The following SGCD variants were observed in gnomAD, a reference collection of about 807,000 sequenced individuals.
The protein encoded by SGCD is delta-sarcoglycan.
SGCD carries 18 observed loss-of-function variants against 36.6 expected under a neutral mutation model. The observed-to-expected ratio is 0.49, with a 90% CI of 0.34 to 0.73. The LOEUF (loss-of-function observed/expected upper bound fraction) is 0.73, where lower values mean the gene tolerates loss of function less well. Ranked by LOEUF, SGCD falls within the 30% of genes least tolerant of loss-of-function variation. SGCD has a pLI of 0.01. For synonymous variants in SGCD, 133 were observed against 130.6 expected (o/e 1.02, Z -0.12); for missense variants, 387 against 346.7 (o/e 1.12, Z -0.92).
intron 7 of SGCD, among the ~76,000 whole-genome samples, chr5:156,674,716 C>G (rs747699961): frequency 6.6e-6 from 1 of 152,172 alleles, no homozygotes; most frequent in African/African-American, 2.4e-5. Context: ...CCAGGAACCT[C>G]GCATTAAGTT....
intron 7 of SGCD, among the ~76,000 whole-genome samples, chr5:156,651,018 C>T (rs1370164285): frequency 1.3e-5 from 2 of 152,122 alleles, no homozygotes; most frequent in Non-Finnish European, 2.9e-5. Flanking sequence ...GTCATTCTGA[C>T]TGATGTGAGA....
At chr5:155,883,337 C>G (rs554365393) in intron 1 of SGCD, among the ~76,000 whole-genome samples, 1 of 152,274 alleles carries the variant, frequency 6.6e-6, no homozygotes, top group South Asian at 2.1e-4. Flanking sequence ...GCAAGAGGCC[C>G]AGTTTTTGGC....
chr5:156,441,610 G>C (rs1355820671), intron 3 of SGCD, among the ~76,000 whole-genome samples: 2 of 152,116 alleles, frequency 1.3e-5, no homozygotes, highest in Non-Finnish European at 2.9e-5. Flanking sequence ...AAAGATGATT[G>C]CACAGATAAA....
At chr5:156,487,537 C>T (rs1036410211) in intron 3 of SGCD, among the ~76,000 whole-genome samples, 1 of 152,032 alleles carries the variant, frequency 6.6e-6, no homozygotes, top group Non-Finnish European at 1.5e-5. Flanking sequence ...CGCCTGTAAT[C>T]CCAGCACTTT....
At chr5:156,511,900 G>A (rs1756945305) in intron 4 of SGCD, among the ~76,000 whole-genome samples, 1 of 152,128 alleles carries the variant, frequency 6.6e-6, no homozygotes, top group Non-Finnish European at 1.5e-5. Flanking sequence ...GCACTGTTAA[G>A]AATTTACTGT....
chr5:156,748,720 C>T (rs898139295), intron 7 of SGCD, among the ~76,000 whole-genome samples: 2 of 152,050 alleles, frequency 1.3e-5, no homozygotes, highest in African/African-American at 2.4e-5. Context: ...TAATATGGCA[C>T]CAACAACTGA....
intron 3 of SGCD, among the ~76,000 whole-genome samples, chr5:156,300,027 C>T (rs953676101): frequency 1.3e-5 from 2 of 151,880 alleles, no homozygotes; most frequent in African/African-American, 4.8e-5. Context: ...GGAGGAAAGG[C>T]TTTCAGTTTT....
chr5:155,897,659 C>T (rs1328022869), intron 1 of SGCD, among the ~76,000 whole-genome samples: 1 of 151,674 alleles, frequency 6.6e-6, no homozygotes, highest in Non-Finnish European at 1.5e-5. Context: ...TTTCCTATTT[C>T]TAAAATTTTT....
intron 1 of SGCD, among the ~76,000 whole-genome samples, chr5:155,917,139 G>C (rs963663323): frequency 6.6e-6 from 1 of 152,118 alleles, no homozygotes. Context: ...TTGACCCCCA[G>C]ACATGCACCA....
chr5:156,255,466 G>A (rs1765691337), intron 3 of SGCD, among the ~76,000 whole-genome samples: 2 of 152,126 alleles, frequency 1.3e-5, no homozygotes, highest in African/African-American at 4.8e-5. Context: ...GGCACAATGT[G>A]CATAAAAGTT....
chr5:156,015,607 ATG>A (rs201246800), intron 1 of SGCD, among the ~76,000 whole-genome samples: 2,162 of 151,046 alleles, frequency 0.014, 21 homozygotes, highest in Admixed American at 0.02. Flanking sequence ...ATATGTATGC[ATG>A]TGTGTGTGTG....
intron 3 of SGCD, among the ~76,000 whole-genome samples, chr5:156,368,728 A>G (rs1770236044): frequency 6.6e-6 from 1 of 152,164 alleles, no homozygotes. Context: ...AACTGCACAC[A>G]TGAGGGATCT....
At position 156,192,298 on chromosome 5, in the gene SGCD, G is replaced by A. The variant is rs185853985; in HGVS notation, c.-44+68279G>A. Among the ~76,000 whole-genome samples, 424 of 152,194 alleles carry A rather than the reference G, an allele frequency of 2.8e-3. 2 individuals carry two copies. Among genetic ancestry groups the A allele is most frequent in the Admixed American group, 0.016 (245 of 15,274 alleles). The stretch of plus-strand genomic sequence containing the variant: ...TGGACACACACAAAATAGTATTCCA[G>A]TATATATATACAAAACATTTTCTTT... On this transcript the variant is annotated intron_variant, in intron 3 of 9. Transcript: ENST00000517913.
chr5:156,146,081 T>C (rs1376823974), intron 3 of SGCD, among the ~76,000 whole-genome samples: 4 of 152,018 alleles, frequency 2.6e-5, no homozygotes, highest in South Asian at 2.1e-4. Flanking sequence ...GGCGTAGTTG[T>C]GGGCGCCTGT....
In SGCD at chr5:156,074,274, T is replaced by C. The variant is rs71582133; in HGVS notation, c.-281-43604T>C. On this transcript the variant is annotated intron_variant, in intron 1 of 9. Transcript: ENST00000517913. ...GGATGAAAGACTGAATATAGGGAAC[T>C]GATGGGATTGTCATCTTGGGGTCAG... Among the ~76,000 whole-genome samples, 1,362 of 152,272 alleles carry C rather than the reference T, an allele frequency of 8.9e-3. 14 individuals carry two copies. Among genetic ancestry groups the C allele is most frequent in the Non-Finnish European group, 0.012 (816 of 68,012 alleles).
chr5:155,949,186 A>C (rs1257160696), intron 1 of SGCD, among the ~76,000 whole-genome samples: 1 of 152,236 alleles, frequency 6.6e-6, no homozygotes, highest in African/African-American at 2.4e-5. Context: ...AATTTAAACC[A>C]ATATCCCTTT....
intron 4 of SGCD, among the ~76,000 whole-genome samples, chr5:156,575,243 T>C (rs1759886877): frequency 6.6e-6 from 1 of 152,204 alleles, no homozygotes; most frequent in Non-Finnish European, 1.5e-5. Flanking sequence ...TGTGATTGAC[T>C]TCATGGGGAA....
chr5:156,320,372 C>T lies in SGCD; in HGVS notation c.-43-9162C>T, dbSNP rs183553378. 1.6e-3 allele frequency among the ~76,000 whole-genome samples: 242 copies of T among 152,154 alleles called. 8 individuals are homozygous for T. Among genetic ancestry groups the T allele is most frequent in the Admixed American group, 0.016 (239 of 15,284 alleles). On this transcript the variant is annotated intron_variant, in intron 3 of 9. Transcript: ENST00000517913. ...AGTGCCTATCATGTAGTCTAGCTTC[C>T]TTTTATTGATCAATAAATTTTATTT...
chr5:156,589,123 A>T (rs1760614918), intron 4 of SGCD, 108 bp from the exon 5 acceptor site: 1 of 723,314 alleles, frequency 1.4e-6, no homozygotes, highest in African/African-American at 1.8e-5. Context: ...AGACACATTG[A>T]TTGGAACTTG....
Sources: allele counts gnomAD v4.1 joint callset (sites outside exome capture counted in the v4.1 genomes callset), GRCh38; gene constraint gnomAD v4.1.1; transcripts MANE v1.5; gene names NCBI Gene and HGNC (gene_info 2026-07-23, HGNC 2026-07-21).